Variants in TMEM244 observed in about 807,000 individuals in gnomAD.
The protein encoded by TMEM244 is transmembrane protein 244.
TMEM244 carries 13 observed loss-of-function variants against 15.8 expected under a neutral mutation model. The observed-to-expected ratio is 0.82, with a 90% confidence interval of 0.53 to 1.30. The LOEUF (loss-of-function observed/expected upper bound fraction) is 1.30. Among genes scored for constraint, TMEM244 ranks in the 50% most tolerant of loss-of-function variants. The pLI, the probability that TMEM244 is intolerant of heterozygous loss-of-function variation, is 0.00. For synonymous variants in TMEM244, 45 were observed against 48.7 expected (o/e 0.92, Z 0.32); for missense variants, 161 against 144.9 (o/e 1.11, Z -0.57).
intron 3 of TMEM244, among the ~76,000 whole-genome samples, chr6:129,841,164 G>C (rs1190363284): frequency 6.6e-6 from 1 of 152,094 alleles, no homozygotes. Flanking sequence ...CAAAGACTTG[G>C]AACCAACCCA....
chr6:129,858,918 C>G (rs1284376938), intron 1 of TMEM244, among the ~76,000 whole-genome samples: 1 of 152,044 alleles, frequency 6.6e-6, no homozygotes, highest in Non-Finnish European at 1.5e-5. Context: ...CTCAGCCTCC[C>G]TGAGTAGCTG....
chr6:129,842,625 C>T (rs1485273117), intron 3 of TMEM244, among the ~76,000 whole-genome samples: 1 of 151,604 alleles, frequency 6.6e-6, no homozygotes, highest in African/African-American at 2.4e-5. Flanking sequence ...ATTGACAGTA[C>T]ATTAAAAAAC....
In TMEM244 at chr6:129,861,184, G is replaced by A. The variant is rs770300104; in HGVS notation, c.5C>T (p.Ala2Val). 1.2e-6 allele frequency: 2 copies of A among 1,613,796 alleles called. No homozygotes were observed. The highest frequency in any genetic ancestry group is 1.7e-5 in the Admixed American group (1 of 60,004). Residue 2 changes from alanine to valine, a missense_variant, in exon 1 of 5, where the codon GCT (alanine) becomes GTT (valine). By Grantham distance (64) the Ala-to-Val change is moderately conservative (BLOSUM62 0). Transcript: ENST00000368143. The stretch of plus-strand genomic sequence containing the variant: ...GCTTGGAGCAACTCTGACCTGGAGA[G>A]CCATGTACACATCCTACGTCAAGGA... The part of the protein sequence containing the change: M[A>V]LQVRVAPSKV...
In TMEM244 at chr6:129,832,378, G is replaced by A. The variant is rs140222799; in HGVS notation, c.320-992C>T. On this transcript the variant is annotated intron_variant, in intron 4 of 4. Transcript: ENST00000368143. ...CTCCCAGAGTGCTGGGATTACAGGC[G>A]TGAGCCACGGCACCTGGCGGAGACA... Among the ~76,000 whole-genome samples, 6 of 152,258 alleles carry A rather than the reference G, an allele frequency of 3.9e-5. No individual in the cohort carries two copies. The East Asian group carries it at 5.8e-4, about 15-fold the overall frequency.
rs781559779 is a variant in TMEM244 at position 129,833,591 on chromosome 6, A to G, written c.194-6T>C. 6 of 1,610,184 alleles carry G rather than the reference A, an allele frequency of 3.7e-6. No homozygotes were observed. The African/African-American group carries it at 5.4e-5, about 14-fold the overall frequency. ...CTCTGTTGAAACTAAAAGAACTGCA[A>G]ATACAAGGAAGAATATAATTATTGA... On this transcript the variant is annotated splice_polypyrimidine_tract_variant and splice_region_variant and intron_variant, in intron 3 of 4. Transcript: ENST00000368143.
chr6:129,841,328 A>G (rs959517790), intron 3 of TMEM244, among the ~76,000 whole-genome samples: 1 of 151,570 alleles, frequency 6.6e-6, no homozygotes, highest in African/African-American at 2.4e-5. Flanking sequence ...CAAGAACAGA[A>G]AACCAAACAC....
intron 1 of TMEM244, among the ~76,000 whole-genome samples, chr6:129,854,524 T>C (rs529035771): frequency 6.6e-6 from 1 of 152,194 alleles, no homozygotes; most frequent in Non-Finnish European, 1.5e-5. Context: ...CCAACAGTTA[T>C]ATGACTCTTT....
At chr6:129,835,753 T>C (rs540650900) in intron 3 of TMEM244, among the ~76,000 whole-genome samples, 1 of 152,240 alleles carries the variant, frequency 6.6e-6, no homozygotes, top group African/African-American at 2.4e-5. Flanking sequence ...GGAGATACCC[T>C]CCCATGCCTG....
At chr6:129,839,160 A>G (rs1161316873) in intron 3 of TMEM244, among the ~76,000 whole-genome samples, 1 of 152,214 alleles carries the variant, frequency 6.6e-6, no homozygotes, top group Non-Finnish European at 1.5e-5. Context: ...TCTGATGAAC[A>G]TCAACGCAAA....
At chr6:129,848,447 C>T (rs2114641935) in intron 1 of TMEM244, among the ~76,000 whole-genome samples, 1 of 152,284 alleles carries the variant, frequency 6.6e-6, no homozygotes, top group Admixed American at 6.5e-5. Flanking sequence ...GGACAGGCAC[C>T]TACTGCCTCA....
chr6:129,832,526 GC>G lies in TMEM244; in HGVS notation c.319+933del. ...TTATCACTCATATTTTGACTGACAT[GC>G]TTTAAAAAAAAATTAGGCGGTATAG... is the stretch of plus-strand genomic sequence containing the variant. On this transcript the variant is annotated intron_variant, in intron 4 of 4. Coordinates refer to ENST00000368143, the MANE Select transcript of TMEM244 (RefSeq NM_001010876.2). 3.3e-5 allele frequency among the ~76,000 whole-genome samples: 5 copies of G among 152,164 alleles called. No homozygotes were observed. The Middle Eastern group carries it at 0.017, about 518-fold the overall frequency.
intron 1 of TMEM244, among the ~76,000 whole-genome samples, chr6:129,851,227 C>T (rs957200068): frequency 3.3e-5 from 5 of 152,106 alleles, no homozygotes; most frequent in African/African-American, 1.2e-4. Flanking sequence ...TGTCCTGCCT[C>T]GCCTCCCACC....
At chr6:129,831,877 G>T (rs1295608282) in intron 4 of TMEM244, among the ~76,000 whole-genome samples, 2 of 152,136 alleles carry the variant, frequency 1.3e-5, no homozygotes, top group African/African-American at 4.8e-5. Flanking sequence ...TGGCTGTCTT[G>T]CAGAAAAAAT....
chr6:129,845,625 A>G, intron 2 of TMEM244, 142 bp downstream of exon 2: 1 of 702,236 alleles, frequency 1.4e-6, no homozygotes, highest in Non-Finnish European at 2.4e-6. Context: ...CCAAAAATAA[A>G]AAATAAATAA....
At chr6:129,851,630 A>T (rs1175991680) in intron 1 of TMEM244, among the ~76,000 whole-genome samples, 1 of 152,204 alleles carries the variant, frequency 6.6e-6, no homozygotes, top group East Asian at 1.9e-4. Flanking sequence ...TGACTCAGAC[A>T]AGTTGAGTGA....
chr6:129,840,331 A>G (rs1043092273), intron 3 of TMEM244, among the ~76,000 whole-genome samples: 9 of 152,240 alleles, frequency 5.9e-5, no homozygotes, highest in Non-Finnish European at 1.2e-4. Context: ...AAATGGGGAA[A>G]GGATTCCCTA....
intron 1 of TMEM244, among the ~76,000 whole-genome samples, chr6:129,854,259 T>C (rs1394912193): frequency 6.6e-6 from 1 of 152,168 alleles, no homozygotes; most frequent in African/African-American, 2.4e-5. Flanking sequence ...TTAGAATTAA[T>C]AGAAGGCTGG....
chr6:129,851,475 G>A (rs1486949410), intron 1 of TMEM244, among the ~76,000 whole-genome samples: 6 of 152,048 alleles, frequency 3.9e-5, no homozygotes, highest in Non-Finnish European at 5.9e-5. Context: ...TCACCATGTT[G>A]GCCAGGGTGG....
intron 1 of TMEM244, among the ~76,000 whole-genome samples, chr6:129,857,789 T>A (rs1173795898): frequency 6.6e-6 from 1 of 150,714 alleles, no homozygotes; most frequent in Non-Finnish European, 1.5e-5. Context: ...TGTGTGTATG[T>A]GTGGTTTTTT....
Sources: gnomAD v4.1 joint callset for allele counts (sites outside exome capture counted in the v4.1 genomes callset) on GRCh38, gnomAD v4.1.1 for gene constraint, MANE v1.5 for transcripts, NCBI Gene and HGNC (gene_info 2026-07-23, HGNC 2026-07-21) for gene names.